GSG1L: variants seen among roughly 807,000 people sequenced by gnomAD.
GSG1L encodes the protein germ cell-specific gene 1-like protein.
Under a neutral mutation model 42.1 loss-of-function variants are expected in GSG1L, and 24 were observed. That is an observed-to-expected ratio of 0.57 (90% CI 0.41 to 0.80). The LOEUF is 0.80. GSG1L is among the 30% of genes least tolerant of loss of function. The pLI is 0.00. For synonymous variants in GSG1L, 215 were observed against 203.5 expected (o/e 1.06, Z -0.48); for missense variants, 445 against 472.2 (o/e 0.94, Z 0.53).
intron 2 of GSG1L, among the ~76,000 whole-genome samples, chr16:27,892,224 C>G (rs10775283): frequency 0.55 from 82,845 of 151,780 alleles, 23,789 homozygotes; most frequent in Non-Finnish European, 0.64. Context: ...AGAGGCCGAG[C>G]TGGGAGGATC....
At chr16:27,903,360 T>C (rs1230633821) in intron 2 of GSG1L, among the ~76,000 whole-genome samples, 2 of 151,988 alleles carry the variant, frequency 1.3e-5, no homozygotes, top group Non-Finnish European at 2.9e-5. Context: ...TGCTGCCCTG[T>C]GGGGAGACTT....
chr16:28,046,119 T>A (rs896612055), intron 1 of GSG1L, among the ~76,000 whole-genome samples: 2 of 152,174 alleles, frequency 1.3e-5, no homozygotes, highest in Non-Finnish European at 2.9e-5. Flanking sequence ...TTAATAATGT[T>A]GTCCATAAAG....
chr16:27,946,614 AGAG>A (rs1567529953), intron 2 of GSG1L, among the ~76,000 whole-genome samples: 8 of 15,156 alleles, frequency 5.3e-4, no homozygotes, highest in African/African-American at 2.0e-3. Context: ...AGAGAGAGAG[AGAG>A]AGAGAGAGAG....
intron 1 of GSG1L, among the ~76,000 whole-genome samples, chr16:28,029,406 C>T (rs2085932094): frequency 6.6e-6 from 1 of 152,218 alleles, no homozygotes; most frequent in African/African-American, 2.4e-5. Context: ...ATGTTTTGCT[C>T]TCCAGGGCAG....
At chr16:27,979,727 G>GAAGGAAGGAAGGAA (rs2085300487) in intron 1 of GSG1L, among the ~76,000 whole-genome samples, 1 of 22,758 alleles carries the variant, frequency 4.4e-5, no homozygotes, top group Non-Finnish European at 9.3e-5. Context: ...AGGAAGGAAG[G>GAAGGAAGGAAGGAA]AAAGAAAAAG....
rs1214834894 is a variant in GSG1L, at chr16:27,888,172, C to G, written c.398-3534G>C. 3.1e-6 allele frequency: 3 copies of G among 981,038 alleles called. No individual in the cohort carries two copies. In the African/African-American group the frequency reaches 5.2e-5, roughly 17 times the overall value. The allele number at this position is 981,038 out of a possible 1,614,324, so 60.8% of individuals were successfully genotyped here. On this transcript the variant is annotated intron_variant, in intron 2 of 6. Coordinates refer to ENST00000447459, the MANE Select transcript of GSG1L (RefSeq NM_001109763.2). Reference sequence around the variant, plus strand: ...ACTCAGCTGCCTCCCCCACGCAGCCCCCACACCCCAGGGGGTGCGTTCAAC... The same window carrying G: ...ACTCAGCTGCCTCCCCCACGCAGCCGCCACACCCCAGGGGGTGCGTTCAAC...
intron 2 of GSG1L, among the ~76,000 whole-genome samples, chr16:27,935,497 G>A (rs1308753344): frequency 7.4e-6 from 1 of 134,738 alleles, no homozygotes; most frequent in Non-Finnish European, 1.8e-5. Context: ...CTATACGCTA[G>A]AGACAGACGT....
At chr16:27,841,765 C>T (rs893353659) in intron 4 of GSG1L, among the ~76,000 whole-genome samples, 2 of 152,120 alleles carry the variant, frequency 1.3e-5, no homozygotes, top group Non-Finnish European at 2.9e-5. Context: ...TTCGGTGCCC[C>T]TTGGGAGGCC....
chr16:27,897,884 G>A (rs2084209976), intron 2 of GSG1L, among the ~76,000 whole-genome samples: 1 of 152,230 alleles, frequency 6.6e-6, no homozygotes. Context: ...ATGAGGGAAT[G>A]GCTGCAAAGC....
intron 1 of GSG1L, among the ~76,000 whole-genome samples, chr16:28,058,123 A>G (rs560853132): frequency 6.6e-6 from 1 of 152,288 alleles, no homozygotes; most frequent in African/African-American, 2.4e-5. Context: ...AGCCTGAGTG[A>G]GCTGGGCTGG....
At position 27,961,004 on chromosome 16, in the gene GSG1L, G is replaced by A. The variant is rs182833362; in HGVS notation, c.397+2152C>T. ...CCTGATACCTTCTGGAGGGGCACAG[G>A]CCACCCACCTGCCACTGTACACAGA... is the stretch of plus-strand genomic sequence containing the variant. On this transcript the variant is annotated intron_variant, in intron 2 of 6. Coordinates refer to ENST00000447459, the MANE Select transcript of GSG1L (RefSeq NM_001109763.2). Among the ~76,000 whole-genome samples the A allele has an allele frequency of 5.4e-3, 821 of 151,996 alleles. 4 individuals are homozygous for A. Among genetic ancestry groups the A allele is most frequent in the Non-Finnish European group, 9.6e-3 (654 of 67,938 alleles).
At chr16:27,901,969 G>T (rs2084262831) in intron 2 of GSG1L, among the ~76,000 whole-genome samples, 1 of 152,174 alleles carries the variant, frequency 6.6e-6, no homozygotes, top group African/African-American at 2.4e-5. Flanking sequence ...CTGCTTCCCA[G>T]CTCAGATGAC....
At chr16:27,810,472 A>G (rs1432969473) in intron 5 of GSG1L, among the ~76,000 whole-genome samples, 2 of 152,118 alleles carry the variant, frequency 1.3e-5, no homozygotes, top group Admixed American at 6.5e-5. Flanking sequence ...CCTGTCTCAA[A>G]AAGTAAAAAA....
intron 1 of GSG1L, among the ~76,000 whole-genome samples, chr16:27,991,295 A>G (rs1007902576): frequency 2.6e-5 from 4 of 151,372 alleles, no homozygotes; most frequent in African/African-American, 9.7e-5. Flanking sequence ...TGATGTTTTT[A>G]GTTTGCTCCC....
chr16:27,991,100 G>A (rs915559641), intron 1 of GSG1L, among the ~76,000 whole-genome samples: 1 of 152,178 alleles, frequency 6.6e-6, no homozygotes, highest in African/African-American at 2.4e-5. Flanking sequence ...TTCTTTGGTA[G>A]AAAAGGGGAA....
At chr16:28,007,681 T>C (rs1265264029) in intron 1 of GSG1L, among the ~76,000 whole-genome samples, 2 of 152,014 alleles carry the variant, frequency 1.3e-5, no homozygotes, top group Admixed American at 1.3e-4. Context: ...CCCAGCTAAT[T>C]TTTTTAAATT....
intron 1 of GSG1L, among the ~76,000 whole-genome samples, chr16:28,008,740 C>CA (rs1177326658): frequency 3.9e-5 from 6 of 152,214 alleles, no homozygotes; most frequent in Admixed American, 1.3e-4. Context: ...CCTCACTGCA[C>CA]ATTTGAGTTA....
chr16:27,865,892 G>A (rs7204188), intron 3 of GSG1L, among the ~76,000 whole-genome samples: 57,324 of 151,202 alleles, frequency 0.38, 11,104 homozygotes, highest in South Asian at 0.45. Flanking sequence ...TTAGAGATGG[G>A]GTCTCACTAT....
At chr16:27,797,037 C>T (rs2082825332) in intron 6 of GSG1L, among the ~76,000 whole-genome samples, 1 of 152,148 alleles carries the variant, frequency 6.6e-6, no homozygotes, top group African/African-American at 2.4e-5. Flanking sequence ...TGTCCATGGA[C>T]TCATTTAATC....
Sources: allele counts gnomAD v4.1 joint callset (sites outside exome capture counted in the v4.1 genomes callset), GRCh38; gene constraint gnomAD v4.1.1; transcripts MANE v1.5; gene names NCBI Gene and HGNC (gene_info 2026-07-23, HGNC 2026-07-21).